IQCJ: variants seen among roughly 807,000 people sequenced by gnomAD.
IQCJ encodes the protein IQ domain-containing protein J.
In IQCJ, 9 loss-of-function variants were observed where a neutral mutation model predicts 11.0. The observed-to-expected ratio is 0.82, with a 90% CI of 0.49 to 1.43. IQCJ has a LOEUF of 1.43. Ranked by LOEUF, IQCJ falls within the 40% of genes most tolerant of loss-of-function variation. IQCJ has a pLI of 0.00. For synonymous variants in IQCJ, 55 were observed against 51.3 expected (o/e 1.07, Z -0.31); for missense variants, 146 against 133.2 (o/e 1.10, Z -0.47).
chr3:159,222,344 G>A (rs1245792175), intron 1 of IQCJ, among the ~76,000 whole-genome samples: 1 of 152,146 alleles, frequency 6.6e-6, no homozygotes, highest in Non-Finnish European at 1.5e-5. Context: ...TGCCATTTGT[G>A]ACAAATTACA....
intron 1 of IQCJ, among the ~76,000 whole-genome samples, chr3:159,154,067 T>C (rs908761140): frequency 2.0e-5 from 3 of 152,190 alleles, no homozygotes; most frequent in African/African-American, 7.2e-5. Flanking sequence ...AGCCCAACTA[T>C]TAAAAATCCT....
chr3:159,144,049 T>A (rs1720781544), intron 1 of IQCJ, among the ~76,000 whole-genome samples: 1 of 152,276 alleles, frequency 6.6e-6, no homozygotes, highest in Non-Finnish European at 1.5e-5. Context: ...TTCATGAGGG[T>A]GCAGCCCTTA....
At chr3:159,251,481 T>G (rs1490406220) in intron 2 of IQCJ, among the ~76,000 whole-genome samples, 1 of 151,866 alleles carries the variant, frequency 6.6e-6, no homozygotes, top group African/African-American at 2.4e-5. Context: ...TTTCACACTG[T>G]AGATCATAAT....
chr3:159,163,710 A>G (rs1411923788), intron 1 of IQCJ, among the ~76,000 whole-genome samples: 2 of 152,132 alleles, frequency 1.3e-5, no homozygotes, highest in African/African-American at 4.8e-5. Context: ...ACAATCCTAG[A>G]AAGTAGGATG....
chr3:159,205,025 C>T (rs1356189524), intron 1 of IQCJ, among the ~76,000 whole-genome samples: 1 of 152,124 alleles, frequency 6.6e-6, no homozygotes, highest in Non-Finnish European at 1.5e-5. Flanking sequence ...ATGTTTGTTT[C>T]CAGGTTGACC....
intron 1 of IQCJ, among the ~76,000 whole-genome samples, chr3:159,166,838 G>T (rs1279624454): frequency 6.6e-6 from 1 of 152,172 alleles, no homozygotes; most frequent in Non-Finnish European, 1.5e-5. Context: ...AGTATTCGAG[G>T]TGTGCTCCCT....
At chr3:159,198,838 G>C (rs549028514) in intron 1 of IQCJ, among the ~76,000 whole-genome samples, 3 of 152,332 alleles carry the variant, frequency 2.0e-5, no homozygotes, top group Admixed American at 2.0e-4. Flanking sequence ...TAAAAAAAGA[G>C]AGACTGAAGA....
chr3:159,143,467 G>C (rs548483832), intron 1 of IQCJ, among the ~76,000 whole-genome samples: 1 of 152,040 alleles, frequency 6.6e-6, no homozygotes, highest in East Asian at 1.9e-4. Context: ...TTTTCTTCAT[G>C]GTCACATACC....
At chr3:159,079,146 G>A (rs1184580230) in intron 1 of IQCJ, among the ~76,000 whole-genome samples, 1 of 152,084 alleles carries the variant, frequency 6.6e-6, no homozygotes, top group South Asian at 2.1e-4. Context: ...AACCAACTAA[G>A]CATGGGCAGG....
At position 159,168,804 on chromosome 3, in the gene IQCJ, A is replaced by G. The variant is rs79201543; in HGVS notation, c.10-77039A>G. ...TTGAAACAAAACACTTTTAAGCCATATGTTAAAAAAAAAACCCAAAGAACA... is the reference window on the plus strand; with the variant it reads ...TTGAAACAAAACACTTTTAAGCCATGTGTTAAAAAAAAAACCCAAAGAACA... On this transcript the variant is annotated intron_variant, in intron 1 of 3. Transcript: ENST00000397832. Among the ~76,000 whole-genome samples the G allele has an allele frequency of 3.3e-3, 499 of 151,124 alleles. 6 individuals carry two copies. Among genetic ancestry groups the G allele is most frequent in the African/African-American group, 0.011 (437 of 40,526 alleles).
intron 1 of IQCJ, among the ~76,000 whole-genome samples, chr3:159,203,608 T>A (rs1340991987): frequency 6.6e-6 from 1 of 152,020 alleles, no homozygotes; most frequent in Non-Finnish European, 1.5e-5. Context: ...GTGTGGATTG[T>A]AGCTGAAAAG....
intron 1 of IQCJ, among the ~76,000 whole-genome samples, chr3:159,122,924 C>T (rs1001035057): frequency 5.3e-5 from 8 of 151,944 alleles, no homozygotes; most frequent in South Asian, 2.1e-4. Flanking sequence ...TAATTACTAC[C>T]GAGATGAATG....
intron 1 of IQCJ, among the ~76,000 whole-genome samples, chr3:159,239,076 A>T (rs1452940849): frequency 6.6e-6 from 1 of 152,238 alleles, no homozygotes; most frequent in Non-Finnish European, 1.5e-5. Flanking sequence ...TAGTAAAATA[A>T]AACAAAGCTT....
chr3:159,074,906 G>A (rs1406158210), intron 1 of IQCJ, among the ~76,000 whole-genome samples: 1 of 152,012 alleles, frequency 6.6e-6, no homozygotes, highest in East Asian at 1.9e-4. Flanking sequence ...TTTGTTCCTG[G>A]GGTAGATAGA....
chr3:159,250,418 A>G (rs1422968297), intron 2 of IQCJ, among the ~76,000 whole-genome samples: 2 of 152,186 alleles, frequency 1.3e-5, no homozygotes, highest in Non-Finnish European at 2.9e-5. Flanking sequence ...AAGTCTGTAT[A>G]TATAATATAT....
At chr3:159,107,630 C>T (rs1425502814) in intron 1 of IQCJ, among the ~76,000 whole-genome samples, 3 of 152,078 alleles carry the variant, frequency 2.0e-5, no homozygotes, top group Non-Finnish European at 4.4e-5. Flanking sequence ...ATTTATTTAG[C>T]ATTTGCCATT....
intron 1 of IQCJ, among the ~76,000 whole-genome samples, chr3:159,233,785 A>G (rs1726411897): frequency 6.6e-6 from 1 of 152,184 alleles, no homozygotes; most frequent in Non-Finnish European, 1.5e-5. Flanking sequence ...CTCTCTGTGG[A>G]TGACCAGCAC....
chr3:159,105,634 T>C (rs1424870815), intron 1 of IQCJ, among the ~76,000 whole-genome samples: 1 of 151,902 alleles, frequency 6.6e-6, no homozygotes. Context: ...AAGATGTGAA[T>C]GAGGAGGAGC....
chr3:159,078,689 T>C (rs911189444), intron 1 of IQCJ, among the ~76,000 whole-genome samples: 18 of 152,052 alleles, frequency 1.2e-4, no homozygotes, highest in Non-Finnish European at 2.2e-4. Context: ...GAATGGCAAA[T>C]TGAACTTTCT....
Sources: gnomAD v4.1 joint callset for allele counts (sites outside exome capture counted in the v4.1 genomes callset) on GRCh38, gnomAD v4.1.1 for gene constraint, MANE v1.5 for transcripts, NCBI Gene and HGNC (gene_info 2026-07-23, HGNC 2026-07-21) for gene names.